TSC22D1: variants seen among roughly 807,000 people sequenced by gnomAD.
TSC22D1 encodes the protein TSC22 domain family protein 1.
TSC22D1 carries 9 observed loss-of-function variants against 74.2 expected under a neutral mutation model. The observed-to-expected ratio is 0.12, with a 90% CI of 0.07 to 0.21. The LOEUF (loss-of-function observed/expected upper bound fraction) is 0.21. TSC22D1 is among the 10% of genes least tolerant of loss of function. The probability of loss-of-function intolerance (pLI) is 1.00; values close to 1 mark genes in which losing one functional copy is unlikely to be tolerated. For missense variants in TSC22D1, 1,427 were observed against 1,304.7 expected, an observed-to-expected ratio of 1.09 and a Z score of -1.44; for synonymous variants, 586 against 492.5, an observed-to-expected ratio of 1.19 and a Z score of -2.51.
intron 1 of TSC22D1, among the ~76,000 whole-genome samples, chr13:44,502,913 T>C (rs1376074255): frequency 2.6e-5 from 4 of 152,358 alleles, no homozygotes; most frequent in South Asian, 2.1e-4. Context: ...TACATTTGTA[T>C]ACACAATAAA....
intron 1 of TSC22D1, among the ~76,000 whole-genome samples, chr13:44,512,774 C>CAAGTA (rs1441198120): frequency 1.3e-5 from 2 of 152,148 alleles, no homozygotes; most frequent in Non-Finnish European, 2.9e-5. Flanking sequence ...CTCAGCCTCC[C>CAAGTA]AAGTAGCTGG....
intron 1 of TSC22D1, among the ~76,000 whole-genome samples, chr13:44,494,557 C>CA (rs1315245922): frequency 2.0e-5 from 3 of 150,494 alleles, no homozygotes; most frequent in Non-Finnish European, 3.0e-5. Context: ...GACCCCATCT[C>CA]AAAAAAAATA....
intron 1 of TSC22D1, among the ~76,000 whole-genome samples, chr13:44,478,089 G>C (rs1366722977): frequency 1.3e-5 from 2 of 151,890 alleles, no homozygotes; most frequent in Non-Finnish European, 2.9e-5. Flanking sequence ...GTAAAATAAT[G>C]TCTATAGATT....
intron 1 of TSC22D1, among the ~76,000 whole-genome samples, chr13:44,463,643 G>A (rs980849370): frequency 1.3e-5 from 2 of 152,106 alleles, no homozygotes; most frequent in Non-Finnish European, 2.9e-5. Flanking sequence ...CATTTGATTA[G>A]AGGATTTCAT....
At chr13:44,471,067 T>C (rs1049916392) in intron 1 of TSC22D1, among the ~76,000 whole-genome samples, 10 of 152,220 alleles carry the variant, frequency 6.6e-5, no homozygotes, top group South Asian at 2.1e-4. Context: ...AAGTGTGTAA[T>C]AGCCAACTAT....
intron 1 of TSC22D1, among the ~76,000 whole-genome samples, chr13:44,556,215 T>C (rs1157374324): frequency 2.0e-5 from 3 of 149,892 alleles, no homozygotes; most frequent in African/African-American, 7.4e-5. Flanking sequence ...AAAAAAACAG[T>C]TCTACTGTTA....
At chr13:44,453,540 C>G (rs1366915044) in intron 1 of TSC22D1, among the ~76,000 whole-genome samples, 2 of 152,142 alleles carry the variant, frequency 1.3e-5, no homozygotes, top group East Asian at 3.8e-4. Flanking sequence ...ACAAACAAAT[C>G]TGATAGTGGT....
At chr13:44,555,170 G>A (rs900533858) in intron 1 of TSC22D1, among the ~76,000 whole-genome samples, 1 of 149,866 alleles carries the variant, frequency 6.7e-6, no homozygotes, top group Non-Finnish European at 1.5e-5. Flanking sequence ...TTTTATAAAA[G>A]GTAATCCAGT....
At chr13:44,517,857 A>ATATATTTTT (rs10627677) in intron 1 of TSC22D1, among the ~76,000 whole-genome samples, 5 of 16,174 alleles carry the variant, frequency 3.1e-4, no homozygotes, top group East Asian at 9.6e-4. Flanking sequence ...ATATATATAT[A>ATATATTTTT]TTTTTTTTTT....
rs374747850 is a variant in TSC22D1, at chr13:44,539,593, AT to A, written c.2912+33569del. On this transcript the variant is annotated intron_variant, in intron 1 of 2. Transcript: ENST00000458659. ...TTTAATTATCTGGAGAGAAAATTAAATTTTAGGTCTCATTTTTGAATGAGTA... is the reference window on the plus strand; with the variant it reads ...TTTAATTATCTGGAGAGAAAATTAAATTTAGGTCTCATTTTTGAATGAGTA... The A allele has an allele frequency of 1.4e-4, 142 of 985,398 alleles. No individual in the cohort carries two copies. In the African/African-American group the frequency reaches 2.3e-3, roughly 16 times the overall value. The allele number at this position is 985,398 out of a possible 1,614,324, so 61.0% of individuals were successfully genotyped here. A position where few individuals can be genotyped will look rare whatever the true frequency, so the allele number is the denominator to read the frequency against.
rs1874586367 is a variant in TSC22D1, at chr13:44,436,043, C to T, written c.2964+1G>A. ...ATAAATGATTTTTCATCAGTACATA[C>T]CATAGCTTGCTCGATTTTGTTGTCA... On this transcript the variant is annotated splice_donor_variant, in intron 2 of 2. Coordinates refer to ENST00000458659, the MANE Select transcript of TSC22D1 (RefSeq NM_183422.4). LOFTEE classifies it high-confidence loss of function. 1 of 1,613,508 alleles carries T rather than the reference C, an allele frequency of 6.2e-7. No individual in the cohort carries two copies. The highest frequency in any genetic ancestry group is 1.3e-5 in the African/African-American group (1 of 74,872).
At chr13:44,549,046 T>A (rs1882019981) in intron 1 of TSC22D1, among the ~76,000 whole-genome samples, 1 of 152,130 alleles carries the variant, frequency 6.6e-6, no homozygotes, top group South Asian at 2.1e-4. Context: ...AGAGAAACAG[T>A]CTTTAGTTTA....
chr13:44,516,436 G>A (rs995506510), intron 1 of TSC22D1: 6 of 384,628 alleles, frequency 1.6e-5, no homozygotes, highest in East Asian at 8.4e-5. Context: ...TCCCAAAGGG[G>A]ACTTCGGCAT....
At chr13:44,576,410 G>T (rs1248345376), upstream of TSC22D1, 3 of 241,822 alleles carry the variant, frequency 1.2e-5, no homozygotes, top group Non-Finnish European at 2.4e-5. Flanking sequence ...GCGCAGGAAG[G>T]GGAGGAAAAG....
intron 1 of TSC22D1, among the ~76,000 whole-genome samples, chr13:44,439,323 T>G (rs765772933): frequency 4.6e-5 from 7 of 152,252 alleles, no homozygotes; most frequent in Non-Finnish European, 1.0e-4. Context: ...ATTAGAAATC[T>G]AATTTTCTCA....
At chr13:44,469,303 GAC>G (rs1878874577) in intron 1 of TSC22D1, among the ~76,000 whole-genome samples, 1 of 151,864 alleles carries the variant, frequency 6.6e-6, no homozygotes, top group Admixed American at 6.6e-5. Context: ...CCTTCATAAA[GAC>G]AAATACATCT....
At chr13:44,448,921 T>C (rs903857312) in intron 1 of TSC22D1, among the ~76,000 whole-genome samples, 1 of 144,330 alleles carries the variant, frequency 6.9e-6, no homozygotes, top group African/African-American at 2.5e-5. Flanking sequence ...GTGTGTAAGA[T>C]GTTAGACCTG....
intron 1 of TSC22D1, among the ~76,000 whole-genome samples, chr13:44,494,399 A>AAAAT (rs1273356456): frequency 6.8e-6 from 1 of 147,762 alleles, no homozygotes; most frequent in Non-Finnish European, 1.5e-5. Context: ...AAAAAAAAAA[A>AAAAT]AAAAAAAGAT....
At chr13:44,525,455 G>C (rs1880503246) in intron 1 of TSC22D1, among the ~76,000 whole-genome samples, 1 of 152,178 alleles carries the variant, frequency 6.6e-6, no homozygotes, top group African/African-American at 2.4e-5. Flanking sequence ...CAAGCATGGA[G>C]GCGCATGCCT....
Sources: gnomAD v4.1 joint callset for allele counts (sites outside exome capture counted in the v4.1 genomes callset) on GRCh38, gnomAD v4.1.1 for gene constraint, MANE v1.5 for transcripts, NCBI Gene and HGNC (gene_info 2026-07-23, HGNC 2026-07-21) for gene names.